The following FLNB variants were observed in gnomAD, a reference collection of about 807,000 sequenced individuals.
FLNB encodes the protein filamin B.
A neutral mutation model predicts 250.6 loss-of-function variants in FLNB; 111 were observed. The observed-to-expected ratio is 0.44, with a 90% confidence interval of 0.38 to 0.52. The LOEUF (loss-of-function observed/expected upper bound fraction) is 0.52. Ranked by LOEUF, FLNB falls within the 20% of genes least tolerant of loss-of-function variation. The pLI, the probability that FLNB is intolerant of heterozygous loss-of-function variation, is 0.00. For missense variants in FLNB, 2,869 were observed against 3,447.8 expected (o/e 0.83, Z 4.20); for synonymous variants, 1,302 against 1,372.1 (o/e 0.95, Z 1.13).
intron 4 of FLNB, among the ~76,000 whole-genome samples, chr3:58,089,405 G>A (rs1046022662): frequency 6.6e-6 from 1 of 151,860 alleles, no homozygotes; most frequent in East Asian, 1.9e-4. Flanking sequence ...AATTAGCCAG[G>A]TGAGGTGGTG....
At chr3:58,096,292 G>A (rs1234301172) in intron 6 of FLNB, 74 bp downstream of exon 6, 2 of 1,062,222 alleles carry the variant, frequency 1.9e-6, no homozygotes, top group Non-Finnish European at 2.9e-6. Context: ...AGGAAGAAGA[G>A]TGTTTTTCTT....
intron 8 of FLNB, among the ~76,000 whole-genome samples, chr3:58,099,808 C>T (rs2097246371): frequency 6.6e-6 from 1 of 152,248 alleles, no homozygotes; most frequent in South Asian, 2.1e-4. Context: ...GGCCCGTGTT[C>T]TGTGTGATTT....
chr3:58,011,494 T>C (rs2097098860), intron 1 of FLNB, among the ~76,000 whole-genome samples: 1 of 152,232 alleles, frequency 6.6e-6, no homozygotes, highest in South Asian at 2.1e-4. Flanking sequence ...CAAACAGGTT[T>C]TCCAGCCTCT....
intron 40 of FLNB, 55 bp from the exon 41 acceptor site, chr3:58,155,905 G>A (rs984422512): frequency 4.8e-6 from 6 of 1,240,160 alleles, no homozygotes; most frequent in Non-Finnish European, 4.8e-6. Flanking sequence ...TGAGAAGCAA[G>A]AGTCCACTCT....
chr3:58,146,723 C>T (rs1444930161), intron 33 of FLNB, 97 bp from the exon 34 acceptor site: 2 of 1,296,046 alleles, frequency 1.5e-6, no homozygotes, highest in Non-Finnish European at 2.2e-6. Context: ...CCATTGTCCC[C>T]AGCATCAGGG....
Position 58,096,234 on chromosome 3 carries a change from A to G in FLNB, c.984+16A>G. On this transcript the variant is annotated intron_variant, in intron 6 of 45. Coordinates refer to ENST00000295956, the MANE Select transcript of FLNB (RefSeq NM_001457.4). ...GCTACACAAAGTAAGATGAAGCAGC[A>G]TGGCTGTGGCTTGGGCTGCTCTGGG... 1.3e-6 allele frequency: 2 copies of G among 1,598,212 alleles called. No individual in the cohort carries two copies. Among genetic ancestry groups the G allele is most frequent in the Non-Finnish European group, 1.7e-6 (2 of 1,165,732 alleles).
chr3:58,170,665 T>C lies in FLNB; in HGVS notation c.7712T>C (p.Val2571Ala), dbSNP rs750135102. The change falls in exon 46 of 46, where the codon GTC (valine) becomes GCC (alanine). Residue 2571 changes from valine (V) to alanine (A), a missense_variant. Around this residue, in one of 5 missense-constraint regions of FLNB, gnomAD observed 1,084 missense variants for 1,315.5 expected, o/e 0.82. Coordinates refer to ENST00000295956, the MANE Select transcript of FLNB (RefSeq NM_001457.4). ...CATGTAGGCAACCAGCAATACAACG[T>C]CACATACGTCGTCAAGGAGAGGGGC... ...MKHVGNQQYN[V>A]TYVVKERGDY... is the part of the protein sequence containing the mutation. 6.2e-7 allele frequency: 1 copy of C among 1,614,046 alleles called. No homozygotes were observed.
chr3:58,043,041 T>C (rs1399096535), intron 1 of FLNB, among the ~76,000 whole-genome samples: 1 of 152,114 alleles, frequency 6.6e-6, no homozygotes, highest in African/African-American at 2.4e-5. Context: ...AATTGGGAAA[T>C]TTCCTAGAGT....
intron 31 of FLNB, 96 bp from the exon 32 acceptor site, chr3:58,143,377 G>T (rs2097330424): frequency 7.3e-7 from 1 of 1,369,596 alleles, no homozygotes. Context: ...CTTGGGTCTG[G>T]AAACCTTTAT....
In FLNB at chr3:58,112,278, A is replaced by G; in HGVS notation, c.2705A>G (p.Tyr902Cys). 6.2e-7 allele frequency: 1 copy of G among 1,613,952 alleles called. No individual in the cohort carries two copies. Residue 902 changes from tyrosine to cysteine, a missense_variant, in exon 18 of 46, where the codon TAT becomes TGT. By Grantham distance (194) the Tyr-to-Cys change is radical. Coordinates refer to ENST00000295956, the MANE Select transcript of FLNB (RefSeq NM_001457.4). Reference protein sequence around the residue: ...AVKDLDIIDNYDYSHTVKYTP... With the variant: ...AVKDLDIIDNCDYSHTVKYTP... ...AAGGATTTGGATATCATCGATAATTATGACTACTCTCACACGGTTAAATAT... is the reference window on the plus strand; with the variant it reads ...AAGGATTTGGATATCATCGATAATTGTGACTACTCTCACACGGTTAAATAT...
intron 25 of FLNB, chr3:58,131,858 AAG>A: frequency 9.2e-7 from 1 of 1,089,966 alleles, no homozygotes; most frequent in Non-Finnish European, 1.3e-6. Context: ...AAAAAGAAGA[AAG>A]AGAAGCTTTA....
chr3:58,154,830 GC>G lies in FLNB; in HGVS notation c.6676del (p.Leu2226SerfsTer68). ...SIWTREAGAGGLSIAVEGPSK... is the reference protein window; with the variant it reads ...SIWTREAGAGXLSIAVEGPSK... ...TGGACCCGGGAAGCAGGCGCTGGAG[GC>G]CTCTCCATCGCTGTTGAGGGCCCCA... On this transcript the variant is annotated frameshift_variant, in exon 40 of 46. Coordinates refer to ENST00000295956, the MANE Select transcript of FLNB (RefSeq NM_001457.4). LOFTEE classifies it high-confidence loss of function. 6.2e-7 allele frequency: 1 copy of G among 1,613,660 alleles called. No homozygotes were observed. Among genetic ancestry groups the G allele is most frequent in the Non-Finnish European group, 8.5e-7 (1 of 1,179,604 alleles).
At chr3:58,120,577 T>C (rs1023735734) in intron 19 of FLNB, among the ~76,000 whole-genome samples, 1 of 152,198 alleles carries the variant, frequency 6.6e-6, no homozygotes, top group African/African-American at 2.4e-5. Context: ...TTGGAAACCA[T>C]CACGGTACAG....
In FLNB at chr3:58,171,567, A is replaced by G. The variant is rs1427053461; in HGVS notation, c.*805A>G. Reference sequence around the variant, plus strand: ...TTCCCACTTGCCAAAGATCCCTTTTAACCAACACTAGCCCTTGTTTTTAAC... The same window carrying G: ...TTCCCACTTGCCAAAGATCCCTTTTGACCAACACTAGCCCTTGTTTTTAAC... On this transcript the variant is annotated 3_prime_UTR_variant, in exon 46 of 46. Coordinates refer to ENST00000295956, the MANE Select transcript of FLNB (RefSeq NM_001457.4). This position sits in a 1 kb window ranked among gnomAD's most constrained non-coding sequence, Gnocchi z 5.5. 1 of 152,240 alleles carries G rather than the reference A, an allele frequency of 6.6e-6. No homozygotes were observed. Among genetic ancestry groups the G allele is most frequent in the African/African-American group, 2.4e-5 (1 of 41,432 alleles). 9.4% of individuals were successfully genotyped at this position (152,240 alleles called of 1,614,324 possible).
In FLNB at chr3:58,135,628, C is replaced by T. The variant is rs549728952; in HGVS notation, c.4672-351C>T. 2.0e-5 allele frequency among the ~76,000 whole-genome samples: 3 copies of T among 152,244 alleles called. No homozygotes were observed. In the South Asian group the frequency reaches 6.2e-4, roughly 32 times the overall value. ...CATCTTCTGGGAGCGGTGCACCTAG[C>T]TAAGAGTTATGGTCCTGTTAATAAA... is the stretch of plus-strand genomic sequence containing the variant. On this transcript the variant is annotated intron_variant, in intron 27 of 45. Transcript: ENST00000295956.
intron 25 of FLNB, among the ~76,000 whole-genome samples, chr3:58,131,482 G>A (rs543640531): frequency 6.6e-6 from 1 of 152,354 alleles, no homozygotes; most frequent in Admixed American, 6.5e-5. Context: ...ACAAAGCCCT[G>A]AAGTGCATTG....
At chr3:58,144,651 G>A (rs1179779722) in intron 32 of FLNB, among the ~76,000 whole-genome samples, 4 of 152,310 alleles carry the variant, frequency 2.6e-5, no homozygotes, top group Non-Finnish European at 4.4e-5. Flanking sequence ...CCCAGTGCAG[G>A]CATCTATGAT....
At chr3:58,080,781 T>C (rs2097208056) in intron 3 of FLNB, among the ~76,000 whole-genome samples, 1 of 147,884 alleles carries the variant, frequency 6.8e-6, no homozygotes, top group Non-Finnish European at 1.5e-5. Flanking sequence ...TGTGAGCTAC[T>C]GCGTCTGGCC....
In FLNB at chr3:58,169,156, C is replaced by T. The variant is rs959004542; in HGVS notation, c.7418-434C>T. ...TGTTACATAAAGAATGTAGGTTCAT[C>T]GCAGGAAAATTAGAAAATTCAGATA... is the stretch of plus-strand genomic sequence containing the variant. On this transcript the variant is annotated intron_variant, in intron 44 of 45. Coordinates refer to ENST00000295956, the MANE Select transcript of FLNB (RefSeq NM_001457.4). This position sits in a 1 kb window ranked among gnomAD's most constrained non-coding sequence, Gnocchi z 4.8. 3 of 269,804 alleles carry T rather than the reference C, an allele frequency of 1.1e-5. No individual in the cohort carries two copies. The highest frequency in any genetic ancestry group is 9.3e-5 in the East Asian group (1 of 10,712). The allele number at this position is 269,804 out of a possible 1,614,324, so 16.7% of individuals were successfully genotyped here.
Sources: allele counts gnomAD v4.1 joint callset (sites outside exome capture counted in the v4.1 genomes callset), GRCh38; gene constraint gnomAD v4.1.1; regional missense constraint gnomAD v4.1.1; non-coding constraint Gnocchi (gnomAD v3.1); transcripts MANE v1.5; gene names NCBI Gene and HGNC (gene_info 2026-07-23, HGNC 2026-07-21).